BLTP3B: variants seen among roughly 807,000 people sequenced by gnomAD.
The protein encoded by BLTP3B is bridge-like lipid transfer protein family member 3B.
At chr12:100,132,172 C>T in the BLTP3B span, among the ~76,000 whole-genome samples, 2 of 152,222 alleles carry the variant, frequency 1.3e-5, no homozygotes, top group East Asian at 3.9e-4. Flanking sequence ...AAGAGATCAA[C>T]TTATTTAAAA....
the BLTP3B span, chr12:100,047,401 G>T: frequency 6.5e-6 from 4 of 615,356 alleles, no homozygotes; most frequent in East Asian, 1.2e-4. Flanking sequence ...GGGAGGTTTA[G>T]GTAGGAGAAT....
the BLTP3B span, among the ~76,000 whole-genome samples, chr12:100,115,508 C>G: frequency 7.2e-5 from 11 of 152,198 alleles, no homozygotes; most frequent in African/African-American, 2.7e-4. Flanking sequence ...GTGGCTCACA[C>G]TTGGAATCCC....
the BLTP3B span, chr12:100,086,230 T>C: frequency 8.0e-7 from 1 of 1,254,992 alleles, no homozygotes. Context: ...AGCTATATAA[T>C]TTGAAAACAA....
At chr12:100,037,148 G>C in the BLTP3B span, 1 of 884,640 alleles carries the variant, frequency 1.1e-6, no homozygotes. Flanking sequence ...ATAGATTTAA[G>C]TACATAATTT....
chr12:100,044,614 A>G, the BLTP3B span, among the ~76,000 whole-genome samples: 1 of 152,174 alleles, frequency 6.6e-6, no homozygotes, highest in Non-Finnish European at 1.5e-5. Context: ...CAGGCAATAC[A>G]CCGAAAGTAA....
chr12:100,124,356 A>G, the BLTP3B span, among the ~76,000 whole-genome samples: 2 of 151,746 alleles, frequency 1.3e-5, no homozygotes, highest in African/African-American at 4.8e-5. Context: ...TAATCCCAGC[A>G]CTAAGGGAGG....
the BLTP3B span, among the ~76,000 whole-genome samples, chr12:100,140,729 A>AT: frequency 3.8e-3 from 235 of 61,388 alleles, 1 homozygote; most frequent in African/African-American, 5.2e-3. Context: ...AAAAAAAAAA[A>AT]ATATATATAT....
At chr12:100,095,670 T>C in the BLTP3B span, 1 of 1,607,658 alleles carries the variant, frequency 6.2e-7, no homozygotes, top group Non-Finnish European at 8.5e-7. Context: ...AGCTTACCTG[T>C]GTAGGTTCAG....
At chr12:100,083,437 A>C in the BLTP3B span, among the ~76,000 whole-genome samples, 2 of 152,042 alleles carry the variant, frequency 1.3e-5, no homozygotes, top group African/African-American at 4.8e-5. Flanking sequence ...TGGGGGAGGG[A>C]AGGGGAGGGG....
chr12:100,068,739 G>GA, the BLTP3B span, among the ~76,000 whole-genome samples: 1 of 151,974 alleles, frequency 6.6e-6, no homozygotes, highest in Non-Finnish European at 1.5e-5. Context: ...AACAAACATA[G>GA]AAAAAAATGC....
chr12:100,057,815 G>A, the BLTP3B span: 1 of 1,434,430 alleles, frequency 7.0e-7, no homozygotes, highest in Non-Finnish European at 9.3e-7. Flanking sequence ...ATACTTCTAA[G>A]AGAATTAAAA....
the BLTP3B span, among the ~76,000 whole-genome samples, chr12:100,067,633 T>TCA: frequency 6.6e-6 from 1 of 151,672 alleles, no homozygotes; most frequent in Non-Finnish European, 1.5e-5. Context: ...CTAGCTTAAA[T>TCA]CAGGAAGAAT....
the BLTP3B span, among the ~76,000 whole-genome samples, chr12:100,122,686 A>T: frequency 6.6e-6 from 1 of 152,324 alleles, no homozygotes; most frequent in African/African-American, 2.4e-5. Context: ...ACAGGCAGTG[A>T]GCCAAAGCAG....
chr12:100,083,607 G>A, the BLTP3B span, among the ~76,000 whole-genome samples: 4 of 151,420 alleles, frequency 2.6e-5, no homozygotes, highest in South Asian at 4.2e-4. Context: ...CTGAGGTGAC[G>A]AATATGCTAA....
chr12:100,040,475 A>G, the BLTP3B span, among the ~76,000 whole-genome samples: 1 of 152,206 alleles, frequency 6.6e-6, no homozygotes, highest in Non-Finnish European at 1.5e-5. Flanking sequence ...TGAGGTCAGG[A>G]GTTTGAGACC....
the BLTP3B span, among the ~76,000 whole-genome samples, chr12:100,091,796 C>G: frequency 1.3e-5 from 2 of 150,468 alleles, no homozygotes; most frequent in Non-Finnish European, 3.0e-5. Context: ...TGAGCCACCT[C>G]GCCTGGCCAA....
chr12:100,127,371 C>T, the BLTP3B span, among the ~76,000 whole-genome samples: 1 of 152,240 alleles, frequency 6.6e-6, no homozygotes, highest in Non-Finnish European at 1.5e-5. Context: ...AATATTTAGG[C>T]CACTAGGCCT....
At chr12:100,083,676 G>A in the BLTP3B span, among the ~76,000 whole-genome samples, 1 of 149,094 alleles carries the variant, frequency 6.7e-6, no homozygotes. Context: ...ACATTTCAAT[G>A]CTTACTGGGC....
chr12:100,121,529 T>A, the BLTP3B span, among the ~76,000 whole-genome samples: 1 of 152,166 alleles, frequency 6.6e-6, no homozygotes, highest in South Asian at 2.1e-4. Flanking sequence ...TATGATTACA[T>A]ATATGTTAAA....
Sources: gnomAD v4.1 joint callset for allele counts (sites outside exome capture counted in the v4.1 genomes callset) on GRCh38, gnomAD v4.1.1 for gene constraint, MANE v1.5 for transcripts, NCBI Gene and HGNC (gene_info 2026-07-23, HGNC 2026-07-21) for gene names.